NGFR: variants seen among roughly 807,000 people sequenced by gnomAD.
The protein encoded by NGFR is tumor necrosis factor receptor superfamily member 16.
In NGFR, 30 loss-of-function variants were observed where a neutral mutation model predicts 43.2. The ratio of observed to expected loss-of-function variants is 0.69; its 90% CI spans 0.52 to 0.94. The LOEUF is 0.94. Ranked by LOEUF, NGFR falls within the 40% of genes least tolerant of loss-of-function variation. NGFR has a pLI of 0.00. For missense variants in NGFR, 529 were observed against 602.5 expected, an observed-to-expected ratio of 0.88 and a Z score of 1.28; for synonymous variants, 246 against 259.6, an observed-to-expected ratio of 0.95 and a Z score of 0.50.
At chr17:49,502,300 GGCCTT>G in intron 2 of NGFR, 96 bp downstream of exon 2, 1 of 1,352,056 alleles carries the variant, frequency 7.4e-7, no homozygotes, top group Non-Finnish European at 9.9e-7. Flanking sequence ...GCCCAGTAGA[GGCCTT>G]ATAAGACCAC....
At chr17:49,501,434 A>C (rs543550630) in intron 1 of NGFR, among the ~76,000 whole-genome samples, 4 of 152,360 alleles carry the variant, frequency 2.6e-5, no homozygotes, top group African/African-American at 9.6e-5. Context: ...CAGAGGGAAG[A>C]TGGGCAAGCA....
At position 49,512,782 on chromosome 17, in the gene NGFR, G is replaced by A. The variant is rs762106531; in HGVS notation, c.1057G>A (p.Gly353Ser). The part of the protein sequence containing the change: ...KREEVEKLLN[G>S]SAGDTWRHLA... ...GGAGGAGGTGGAGAAGCTTCTCAAC[G>A]GCTCTGCGGGGGACACCTGGCGGCA... The change falls in exon 6 of 6, where the codon GGC becomes AGC. Residue 353 changes from glycine to serine, a missense_variant. Gly to Ser is a moderately conservative substitution (Grantham distance 56). Coordinates refer to ENST00000172229, the MANE Select transcript of NGFR (RefSeq NM_002507.4). This position sits in a 1 kb window ranked among gnomAD's most constrained non-coding sequence, Gnocchi z 5.2. 1.1e-5 allele frequency: 17 copies of A among 1,613,184 alleles called. No individual in the cohort carries two copies. In the Middle Eastern group the frequency reaches 4.9e-4, roughly 47 times the overall value.
intron 3 of NGFR, among the ~76,000 whole-genome samples, chr17:49,509,980 G>A (rs1229295556): frequency 6.6e-6 from 1 of 152,166 alleles, no homozygotes; most frequent in Non-Finnish European, 1.5e-5. Flanking sequence ...ATTTCCCAGA[G>A]TGACTCCAGC....
At chr17:49,506,704 G>GGGGGGGGGGGGGGGGGGGGGGC in intron 3 of NGFR, 46 bp downstream of exon 3, 4 of 737,232 alleles carry the variant, frequency 5.4e-6, no homozygotes, top group East Asian at 3.5e-5. Flanking sequence ...GCGGGGGTGG[G>GGGGGGGGGGGGGGGGGGGGGGC]CTGGGGGCAT....
At chr17:49,498,552 G>C (rs2071151263) in intron 1 of NGFR, among the ~76,000 whole-genome samples, 1 of 152,138 alleles carries the variant, frequency 6.6e-6, no homozygotes, top group Admixed American at 6.5e-5. Context: ...TGATTATACT[G>C]AAACATTCGT....
chr17:49,495,451 G>C lies in NGFR; in HGVS notation c.34G>C (p.Gly12Arg), dbSNP rs776933033. ...GAGATGRAMDGPRLLLLLLLG... is the reference protein window; with the variant it reads ...GAGATGRAMDRPRLLLLLLLG... ...AGGTGCCACCGGCCGCGCCATGGAC[G>C]GGCCGCGCCTGCTGCTGTTGCTGCT... The change falls in exon 1 of 6, where the codon GGG becomes CGG. Residue 12 changes from glycine to arginine, a missense_variant. Coordinates refer to ENST00000172229, the MANE Select transcript of NGFR (RefSeq NM_002507.4). This position sits in a 1 kb window ranked among gnomAD's most constrained non-coding sequence, Gnocchi z 6.4. 7 of 1,236,140 alleles carry C rather than the reference G, an allele frequency of 5.7e-6. No individual in the cohort carries two copies. In the Middle Eastern group the frequency reaches 6.2e-4, roughly 110 times the overall value. The allele number at this position is 1,236,140 out of a possible 1,614,324, so 76.6% of individuals were successfully genotyped here. A position where few individuals can be genotyped will look rare whatever the true frequency, so the allele number is the denominator to read the frequency against.
intron 1 of NGFR, 64 bp from the exon 2 acceptor site, chr17:49,501,999 A>ATGGC: frequency 3.9e-5 from 13 of 330,982 alleles, no homozygotes; most frequent in East Asian, 1.3e-4. Flanking sequence ...TCCCCGGAAG[A>ATGGC]ACCCCCCCCA....
chr17:49,502,206 T>C lies in NGFR; in HGVS notation c.208+2T>C. 2 of 1,588,030 alleles carry C rather than the reference T, an allele frequency of 1.3e-6. No homozygotes were observed. The highest frequency in any genetic ancestry group is 8.6e-7 in the Non-Finnish European group (1 of 1,164,020). ...CCGTGTGTGAGCCCTGCCTGGACAG[T>C]GAGTAGAGGGTGGCGGGCAGGAGGA... On this transcript the variant is annotated splice_donor_variant, in intron 2 of 5. Coordinates refer to ENST00000172229, the MANE Select transcript of NGFR (RefSeq NM_002507.4). LOFTEE classifies it high-confidence loss of function.
At chr17:49,502,870 T>TCC (rs1555564719) in intron 2 of NGFR, among the ~76,000 whole-genome samples, 52 of 144,228 alleles carry the variant, frequency 3.6e-4, no homozygotes, top group South Asian at 3.6e-3. Flanking sequence ...CTTCCTTCCT[T>TCC]TCTCTCTCTC....
At chr17:49,504,964 G>T (rs1369303329) in intron 2 of NGFR, among the ~76,000 whole-genome samples, 1 of 151,820 alleles carries the variant, frequency 6.6e-6, no homozygotes, top group Non-Finnish European at 1.5e-5. Context: ...TAGAGATGGG[G>T]TTTTGCCATG....
chr17:49,509,376 G>A (rs920122729), intron 3 of NGFR, among the ~76,000 whole-genome samples: 7 of 152,150 alleles, frequency 4.6e-5, no homozygotes, highest in East Asian at 1.9e-4. Flanking sequence ...TGCCCCAGGC[G>A]TGGGAAGTGA....
chr17:49,507,562 C>T (rs2071207612), intron 3 of NGFR, among the ~76,000 whole-genome samples: 1 of 152,126 alleles, frequency 6.6e-6, no homozygotes, highest in African/African-American at 2.4e-5. Flanking sequence ...AAGGAAGCCC[C>T]GTGGGAGCCA....
Position 49,495,782 on chromosome 17 carries a change from C to A in NGFR, c.66+299C>A. ...CTTTCAAGAGGGGGCATGGGGCTCT[C>A]CGATGCCCAGGTTCTTCGGAAGAGG... On this transcript the variant is annotated intron_variant, in intron 1 of 5. Transcript: ENST00000172229. This position sits in a 1 kb window ranked among gnomAD's most constrained non-coding sequence, Gnocchi z 6.4. 2.8e-6 allele frequency: 1 copy of A among 358,786 alleles called. No homozygotes were observed. Among genetic ancestry groups the A allele is most frequent in the Non-Finnish European group, 5.0e-6 (1 of 200,676 alleles). The allele number at this position is 358,786 out of a possible 1,614,324, so 22.2% of individuals were successfully genotyped here.
Position 49,502,043 on chromosome 17 carries a change from T to A in NGFR, c.67-20T>A. On this transcript the variant is annotated intron_variant, in intron 1 of 5. Transcript: ENST00000172229. ...CAGCTTTCTCTTGCCAGTCTGACCCTCCGATCTCCCTCCATCCAGGTGTCC... is the reference window on the plus strand; with the variant it reads ...CAGCTTTCTCTTGCCAGTCTGACCCACCGATCTCCCTCCATCCAGGTGTCC... 1 of 1,030,508 alleles carries A rather than the reference T, an allele frequency of 9.7e-7. No individual in the cohort carries two copies. Among genetic ancestry groups the A allele is most frequent in the South Asian group, 1.9e-5 (1 of 51,500 alleles). 63.8% of individuals were successfully genotyped at this position (1,030,508 alleles called of 1,614,324 possible).
chr17:49,502,210 T>G lies in NGFR; in HGVS notation c.208+6T>G. ...GTGTGAGCCCTGCCTGGACAGTGAG[T>G]AGAGGGTGGCGGGCAGGAGGAGGGG... On this transcript the variant is annotated splice_donor_region_variant and intron_variant, in intron 2 of 5. Transcript: ENST00000172229. The G allele has an allele frequency of 6.3e-7, 1 of 1,584,582 alleles. No individual in the cohort carries two copies. The highest frequency in any genetic ancestry group is 8.6e-7 in the Non-Finnish European group (1 of 1,161,600).
chr17:49,511,806 C>T (rs1189854971), intron 4 of NGFR, 86 bp from the exon 5 acceptor site: 7 of 1,414,614 alleles, frequency 4.9e-6, no homozygotes, highest in Non-Finnish European at 6.5e-6. Context: ...TGCCCCTGGC[C>T]CTCACACGGC....
intron 3 of NGFR, 79 bp from the exon 4 acceptor site, chr17:49,510,333 G>A: frequency 6.4e-7 from 1 of 1,571,206 alleles, no homozygotes; most frequent in African/African-American, 1.3e-5. Context: ...GGGGACACAG[G>A]AAGAACACGG....
At chr17:49,496,624 G>A (rs2071139790) in intron 1 of NGFR, 1 of 152,204 alleles carries the variant, frequency 6.6e-6, no homozygotes, top group Non-Finnish European at 1.5e-5. Context: ...GCCTGCCTGC[G>A]AGTCTGGGGC....
rs1203454101 is a variant in NGFR at position 49,512,391 on chromosome 17, C to T, written c.983-317C>T. Among the ~76,000 whole-genome samples the T allele has an allele frequency of 6.6e-6, 1 of 152,208 alleles. No homozygotes were observed. Among genetic ancestry groups the T allele is most frequent in the Admixed American group, 6.5e-5 (1 of 15,286 alleles). On this transcript the variant is annotated intron_variant, in intron 5 of 5. Coordinates refer to ENST00000172229, the MANE Select transcript of NGFR (RefSeq NM_002507.4). The surrounding 1 kb of genome is among the most constrained non-coding windows in gnomAD (Gnocchi z 5.2). ...TAAGTGTGTACCCTAATTAGTGGCC[C>T]ATAGCCCAGCTCCGGGACACTTGCT... is the stretch of plus-strand genomic sequence containing the variant.
Sources: gnomAD v4.1 joint callset for allele counts (sites outside exome capture counted in the v4.1 genomes callset) on GRCh38, gnomAD v4.1.1 for gene constraint, Gnocchi (gnomAD v3.1) non-coding constraint, MANE v1.5 for transcripts, NCBI Gene and HGNC (gene_info 2026-07-23, HGNC 2026-07-21) for gene names.